The following TMEM132D variants were observed in gnomAD, a reference collection of about 807,000 sequenced individuals.
TMEM132D encodes the protein mature OL transmembrane protein.
In TMEM132D, 21 loss-of-function variants were observed where a neutral mutation model predicts 62.3. The observed-to-expected ratio is 0.34, with a 90% confidence interval of 0.24 to 0.49. The LOEUF (loss-of-function observed/expected upper bound fraction) is 0.49, where lower values mean the gene tolerates loss of function less well. TMEM132D is among the 20% of genes least tolerant of loss of function. The probability of loss-of-function intolerance (pLI) is 0.99; values close to 1 mark genes in which losing one functional copy is unlikely to be tolerated. For synonymous variants in TMEM132D, 621 were observed against 575.6 expected, an observed-to-expected ratio of 1.08 and a Z score of -1.13; for missense variants, 1,346 against 1,402.8, an observed-to-expected ratio of 0.96 and a Z score of 0.65.
In TMEM132D at chr12:129,106,298, G is replaced by C. The variant is rs2135640523; in HGVS notation, c.1444-21596C>G. ...GGCGGAGGGGGGAGGGATAGCATTG[G>C]GAGATATACCTAATGCTAGATGACG... On this transcript the variant is annotated intron_variant, in intron 5 of 8. Transcript: ENST00000422113. 1.3e-5 allele frequency among the ~76,000 whole-genome samples: 2 copies of C among 149,584 alleles called. 1 individual carries two copies. The highest frequency in any genetic ancestry group is 4.3e-4 in the South Asian group (2 of 4,648).
At chr12:129,546,833 C>T (rs781201640) in intron 2 of TMEM132D, among the ~76,000 whole-genome samples, 71 of 151,806 alleles carry the variant, frequency 4.7e-4, no homozygotes, top group Non-Finnish European at 7.4e-5. Flanking sequence ...AAGCTGTAGA[C>T]AAGGGTAGCT....
intron 1 of TMEM132D, among the ~76,000 whole-genome samples, chr12:129,868,259 G>C (rs1874123954): frequency 6.6e-6 from 1 of 152,136 alleles, no homozygotes; most frequent in African/African-American, 2.4e-5. Flanking sequence ...GAACACACAT[G>C]AGACAGCATT....
chr12:129,321,820 A>G lies in TMEM132D; in HGVS notation c.1299+15814T>C, dbSNP rs368828224. Among the ~76,000 whole-genome samples the G allele has an allele frequency of 7.6e-3, 1,163 of 152,244 alleles. 13 individuals carry two copies. Among genetic ancestry groups the G allele is most frequent in the African/African-American group, 0.027 (1,106 of 41,538 alleles). ...GTGATCCACCCGCCTCGGCCTCCCA[A>G]AGTGCTGGGATTACAGGCGTGAGCC... On this transcript the variant is annotated intron_variant, in intron 4 of 8. Coordinates refer to ENST00000422113, the MANE Select transcript of TMEM132D (RefSeq NM_133448.3).
At chr12:129,204,683 T>C (rs1878794878) in intron 5 of TMEM132D, among the ~76,000 whole-genome samples, 3 of 152,182 alleles carry the variant, frequency 2.0e-5, no homozygotes, top group Admixed American at 2.0e-4. Context: ...AGAGCACCCC[T>C]GTGAGATATC....
intron 1 of TMEM132D, among the ~76,000 whole-genome samples, chr12:129,758,045 G>A (rs926548735): frequency 1.3e-5 from 2 of 152,086 alleles, no homozygotes; most frequent in African/African-American, 4.8e-5. Flanking sequence ...TGGGATTACA[G>A]GTGCCTGCCA....
chr12:129,871,662 AG>A lies in TMEM132D; in HGVS notation c.79+31598del, dbSNP rs1188270013. On this transcript the variant is annotated intron_variant, in intron 1 of 8. Transcript: ENST00000422113. ...GAACTAGTTCATACTGGCTTGCAAA[AG>A]CCAACTGTAAAATCTTCAAGAATTT... is the stretch of plus-strand genomic sequence containing the variant. 2.6e-5 allele frequency among the ~76,000 whole-genome samples: 4 copies of A among 152,170 alleles called. No individual in the cohort carries two copies. The East Asian group carries it at 7.7e-4, about 29-fold the overall frequency.
At chr12:129,449,655 T>G (rs6416183) in intron 3 of TMEM132D, among the ~76,000 whole-genome samples, 138,130 of 152,208 alleles carry the variant, frequency 0.91, 62,857 homozygotes, top group Non-Finnish European at 0.93. Context: ...GGAGGTGGAA[T>G]TCATGTCCCA....
intron 1 of TMEM132D, among the ~76,000 whole-genome samples, chr12:129,811,032 C>A (rs1293856404): frequency 1.3e-5 from 2 of 151,756 alleles, no homozygotes; most frequent in African/African-American, 4.8e-5. Context: ...TTATCTAAAA[C>A]CATAACCAGT....
intron 4 of TMEM132D, among the ~76,000 whole-genome samples, chr12:129,230,576 C>T (rs1036953535): frequency 3.9e-5 from 6 of 152,224 alleles, no homozygotes; most frequent in Non-Finnish European, 7.3e-5. Flanking sequence ...GGGGTGTCTA[C>T]AGGATGGGGT....
At chr12:129,294,931 A>G (rs1234564405) in intron 4 of TMEM132D, among the ~76,000 whole-genome samples, 1 of 152,126 alleles carries the variant, frequency 6.6e-6, no homozygotes, top group Non-Finnish European at 1.5e-5. Context: ...CATTGTGTGT[A>G]TCAGCTGGCC....
intron 1 of TMEM132D, among the ~76,000 whole-genome samples, chr12:129,839,007 A>G (rs1385363142): frequency 6.8e-6 from 1 of 146,464 alleles, no homozygotes; most frequent in Non-Finnish European, 1.5e-5. Context: ...ACTGGAGTGC[A>G]GTGGTGCAAT....
At chr12:129,680,116 T>C (rs1170282765) in intron 2 of TMEM132D, among the ~76,000 whole-genome samples, 2 of 152,224 alleles carry the variant, frequency 1.3e-5, no homozygotes, top group African/African-American at 4.8e-5. Context: ...GTTCTGTGCC[T>C]GAGTTCACTC....
chr12:129,242,011 T>C (rs1416849183), intron 4 of TMEM132D, among the ~76,000 whole-genome samples: 1 of 152,204 alleles, frequency 6.6e-6, no homozygotes, highest in Non-Finnish European at 1.5e-5. Flanking sequence ...CAAAATCCCT[T>C]GAATATTAAG....
chr12:129,150,073 G>C (rs1209066739), intron 5 of TMEM132D, among the ~76,000 whole-genome samples: 4 of 152,258 alleles, frequency 2.6e-5, no homozygotes, highest in Non-Finnish European at 5.9e-5. Flanking sequence ...TGCGCCTCCT[G>C]CAGAGAAGGG....
intron 4 of TMEM132D, among the ~76,000 whole-genome samples, chr12:129,217,654 G>A (rs751961368): frequency 1.4e-4 from 21 of 152,154 alleles, no homozygotes; most frequent in Admixed American, 1.1e-3. Context: ...TTTGAGAAAG[G>A]GGAATTTTGA....
chr12:129,163,538 G>A (rs902533799), intron 5 of TMEM132D, among the ~76,000 whole-genome samples: 2 of 152,204 alleles, frequency 1.3e-5, no homozygotes, highest in Non-Finnish European at 2.9e-5. Flanking sequence ...TGGTGTGTTT[G>A]CTGCTTCCCC....
intron 5 of TMEM132D, among the ~76,000 whole-genome samples, chr12:129,124,085 CAA>C (rs1176480159): frequency 6.6e-6 from 1 of 152,096 alleles, no homozygotes; most frequent in African/African-American, 2.4e-5. Context: ...TGGAGAACCC[CAA>C]CTAATACAGG....
intron 1 of TMEM132D, among the ~76,000 whole-genome samples, chr12:129,752,471 C>T (rs956826270): frequency 7.2e-5 from 11 of 152,290 alleles, no homozygotes; most frequent in South Asian, 2.1e-4. Context: ...TAGAATAAGT[C>T]ATAAGACCTT....
chr12:129,395,959 T>C (rs940130570), intron 3 of TMEM132D, among the ~76,000 whole-genome samples: 5 of 142,824 alleles, frequency 3.5e-5, no homozygotes, highest in African/African-American at 1.4e-4. Flanking sequence ...TAAAATAATA[T>C]ATAATATATA....
Sources: allele counts gnomAD v4.1 joint callset (sites outside exome capture counted in the v4.1 genomes callset), GRCh38; gene constraint gnomAD v4.1.1; transcripts MANE v1.5; gene names NCBI Gene and HGNC (gene_info 2026-07-23, HGNC 2026-07-21).